Variants in PTPRZ1 observed in about 807,000 individuals in gnomAD.
The protein encoded by PTPRZ1 is protein tyrosine phosphatase receptor type Z1, also known as receptor-type tyrosine-protein phosphatase zeta.
In PTPRZ1, 82 loss-of-function variants were observed where a neutral mutation model predicts 214.1. The observed-to-expected ratio is 0.38, with a 90% CI of 0.32 to 0.46. The LOEUF (loss-of-function observed/expected upper bound fraction) is 0.46. Ranked by LOEUF, PTPRZ1 falls within the 20% of genes least tolerant of loss-of-function variation. The pLI is 1.00. For synonymous variants in PTPRZ1, 945 were observed against 987.9 expected, an observed-to-expected ratio of 0.96 and a Z score of 0.81; for missense variants, 2,603 against 2,748.7, an observed-to-expected ratio of 0.95 and a Z score of 1.19.
chr7:121,969,429 G>A (rs529150926), intron 3 of PTPRZ1, among the ~76,000 whole-genome samples: 2 of 152,020 alleles, frequency 1.3e-5, no homozygotes, highest in Middle Eastern at 3.4e-3. Flanking sequence ...AGGCATGGTG[G>A]TGCATGCCTG....
rs1444246330 is a variant in PTPRZ1 at position 121,996,536 on chromosome 7, T to C, written c.1083T>C (p.His361=). 5.1e-6 allele frequency: 8 copies of C among 1,563,726 alleles called. No individual in the cohort carries two copies. Among genetic ancestry groups the C allele is most frequent in the African/African-American group, 2.8e-5 (2 of 72,682 alleles). The stretch of plus-strand genomic sequence containing the variant: ...TGGATGGAGAGGACCAAACCAAGCA[T>C]GAATTTTTGACAGATGGCTATCAAG... ...QQLDGEDQTK[H]EFLTDGYQDL... The change falls in exon 9 of 30, where the codon CAT becomes CAC. Residue 361 remains histidine (H), a synonymous_variant. Coordinates refer to ENST00000393386, the MANE Select transcript of PTPRZ1 (RefSeq NM_002851.3).
chr7:121,934,145 C>T (rs1421820526), intron 2 of PTPRZ1, among the ~76,000 whole-genome samples: 13 of 152,146 alleles, frequency 8.5e-5, no homozygotes. Flanking sequence ...TCACTGTATA[C>T]TATTCATACT....
Position 121,995,396 on chromosome 7 carries a change from G to A in PTPRZ1, c.929-986G>A, listed in dbSNP as rs530368297. 3.9e-5 allele frequency among the ~76,000 whole-genome samples: 6 copies of A among 152,156 alleles called. No homozygotes were observed. In the South Asian group the frequency reaches 1.2e-3, roughly 32 times the overall value. ...TTCTCTCCCTCTGCTTTGCAAATCT[G>A]GCCCATGAAGAGATATTTATTACTC... On this transcript the variant is annotated intron_variant, in intron 8 of 29. Coordinates refer to ENST00000393386, the MANE Select transcript of PTPRZ1 (RefSeq NM_002851.3).
chr7:121,906,073 T>G (rs1795107369), intron 1 of PTPRZ1, among the ~76,000 whole-genome samples: 1 of 152,188 alleles, frequency 6.6e-6, no homozygotes, highest in Non-Finnish European at 1.5e-5. Flanking sequence ...CTGTAATGTT[T>G]CAGTGGTACT....
At chr7:122,025,040 G>A (rs1445900959) in intron 13 of PTPRZ1, among the ~76,000 whole-genome samples, 1 of 152,082 alleles carries the variant, frequency 6.6e-6, no homozygotes, top group Non-Finnish European at 1.5e-5. Context: ...TGATTGGTGG[G>A]ATTTACTTGC....
chr7:122,010,336 G>A lies in PTPRZ1; in HGVS notation c.1290G>A (p.Glu430=), dbSNP rs775374028. The A allele has an allele frequency of 3.8e-6, 6 of 1,596,732 alleles. No homozygotes were observed. The highest frequency in any genetic ancestry group is 3.4e-6 in the Non-Finnish European group (4 of 1,174,418). ...TAAATCTTGTTTGCTTTTCAAAGGAGGAGGAAGAGGGAAAAGACATTGAAG... is the reference window on the plus strand; with the variant it reads ...TAAATCTTGTTTGCTTTTCAAAGGAAGAGGAAGAGGGAAAAGACATTGAAG... ...ELIGTEEIIK[E]EEEGKDIEEG... is the part of the protein sequence containing the mutation. Residue 430 remains glutamate, a splice_region_variant and synonymous_variant, in exon 12 of 30, where the codon GAG becomes GAA. Transcript: ENST00000393386.
intron 2 of PTPRZ1, among the ~76,000 whole-genome samples, chr7:121,965,876 C>A (rs1797034044): frequency 6.6e-6 from 1 of 152,100 alleles, no homozygotes; most frequent in Admixed American, 6.6e-5. Context: ...TATCAATATC[C>A]TAGGCATTTT....
At chr7:121,911,120 A>G (rs1360398695) in intron 1 of PTPRZ1, among the ~76,000 whole-genome samples, 1 of 152,122 alleles carries the variant, frequency 6.6e-6, no homozygotes, top group South Asian at 2.1e-4. Context: ...GCTTTGAACT[A>G]TAAAAGCTCA....
chr7:122,011,610 C>T lies in PTPRZ1; in HGVS notation c.2564C>T (p.Pro855Leu). The T allele has an allele frequency of 6.2e-7, 1 of 1,614,022 alleles. No individual in the cohort carries two copies. The highest frequency in any genetic ancestry group is 8.5e-7 in the Non-Finnish European group (1 of 1,179,990). Reference protein sequence around the residue: ...VTSATESDKVPLHASLPVAGG... With the variant: ...VTSATESDKVLLHASLPVAGG... ...TCAGCTACCGAGAGTGATAAGGTGCCCTTGCATGCTTCTCTGCCAGTGGCT... is the reference window on the plus strand; with the variant it reads ...TCAGCTACCGAGAGTGATAAGGTGCTCTTGCATGCTTCTCTGCCAGTGGCT... The change falls in exon 12 of 30, where the codon CCC becomes CTC. Residue 855 changes from proline to leucine, a missense_variant. By Grantham distance (98) the Pro-to-Leu change is moderately conservative. This residue lies in a region of PTPRZ1 where 1,913 missense variants were observed against 1,914.3 expected (regional missense o/e 1.00). Coordinates refer to ENST00000393386, the MANE Select transcript of PTPRZ1 (RefSeq NM_002851.3).
At chr7:121,991,698 T>C (rs902933078) in intron 8 of PTPRZ1, among the ~76,000 whole-genome samples, 9 of 152,214 alleles carry the variant, frequency 5.9e-5, no homozygotes, top group East Asian at 3.8e-4. Context: ...AATTGAACTG[T>C]TGATGAAGTC....
At chr7:121,997,602 T>G (rs940158623) in intron 9 of PTPRZ1, among the ~76,000 whole-genome samples, 22 of 151,888 alleles carry the variant, frequency 1.4e-4, no homozygotes, top group Non-Finnish European at 2.2e-4. Flanking sequence ...TAGTACTAAT[T>G]TATGAATTTG....
rs1447373131 is a variant in PTPRZ1, at chr7:122,034,328, C to A, written c.5234C>A (p.Ser1745Tyr). The A allele has an allele frequency of 8.7e-6, 14 of 1,613,390 alleles. No individual in the cohort carries two copies. The highest frequency in any genetic ancestry group is 1.1e-5 in the Non-Finnish European group (13 of 1,179,632). Residue 1745 changes from serine to tyrosine, a missense_variant, in exon 17 of 30, where the codon TCC becomes TAC. By Grantham distance (144) the Ser-to-Tyr change is moderately radical. Around this residue, in one of 6 missense-constraint regions of PTPRZ1, gnomAD observed 1,913 missense variants for 1,914.3 expected, o/e 1.00. Coordinates refer to ENST00000393386, the MANE Select transcript of PTPRZ1 (RefSeq NM_002851.3). ...TVDLGITADS[S>Y]NHPDNKHKNR... The stretch of plus-strand genomic sequence containing the variant: ...GACTTAGGTATTACAGCAGACAGCT[C>A]CAACCACCCAGACAACAAGCACAAG...
chr7:122,052,091 C>T (rs1792204663), intron 25 of PTPRZ1, 152 bp downstream of exon 25: 2 of 596,048 alleles, frequency 3.4e-6, no homozygotes, highest in Non-Finnish European at 5.8e-6. Flanking sequence ...TCCACAGCAA[C>T]AGTTGTAATA....
intron 20 of PTPRZ1, 23 bp from the exon 21 acceptor site, chr7:122,040,790 GTTA>G (rs763213867): frequency 1.4e-5 from 20 of 1,418,514 alleles, no homozygotes; most frequent in Middle Eastern, 2.7e-4. Context: ...GTGTTTGACT[GTTA>G]TTAACTGTCT....
intron 6 of PTPRZ1, 102 bp from the exon 7 acceptor site, chr7:121,983,563 A>G: frequency 4.3e-6 from 5 of 1,163,828 alleles, no homozygotes; most frequent in Admixed American, 4.8e-5. Context: ...CTCAGTTTTG[A>G]TTAAATACAT....
At chr7:121,879,020 G>T (rs908032117) in intron 1 of PTPRZ1, among the ~76,000 whole-genome samples, 2 of 152,084 alleles carry the variant, frequency 1.3e-5, no homozygotes, top group African/African-American at 2.4e-5. Context: ...GTCACTTCTG[G>T]TACGCGAACT....
chr7:122,025,325 T>C (rs1311591848), intron 13 of PTPRZ1, among the ~76,000 whole-genome samples: 1 of 151,102 alleles, frequency 6.6e-6, no homozygotes, highest in Admixed American at 6.6e-5. Flanking sequence ...CTTTTCTTTT[T>C]TTTTCTTTTT....
Position 121,916,140 on chromosome 7 carries a change from G to C in PTPRZ1, c.59-12016G>C, listed in dbSNP as rs1230900223. ...AATACAAAAATTAACTGGGCGTCAT[G>C]GTGTGCGCCTATAATCCCAGCTACT... On this transcript the variant is annotated intron_variant, in intron 1 of 29. Transcript: ENST00000393386. 2.0e-5 allele frequency among the ~76,000 whole-genome samples: 3 copies of C among 152,178 alleles called. No individual in the cohort carries two copies. In the South Asian group the frequency reaches 6.2e-4, roughly 32 times the overall value.
chr7:121,948,439 A>G (rs1156686565), intron 2 of PTPRZ1, among the ~76,000 whole-genome samples: 1 of 152,154 alleles, frequency 6.6e-6, no homozygotes. Context: ...AATGCAGTGA[A>G]ACCCCATGTC....
Sources: allele counts gnomAD v4.1 joint callset (sites outside exome capture counted in the v4.1 genomes callset), GRCh38; gene constraint gnomAD v4.1.1; regional missense constraint gnomAD v4.1.1; transcripts MANE v1.5; gene names NCBI Gene and HGNC (gene_info 2026-07-23, HGNC 2026-07-21).